RAB18: variants seen among roughly 807,000 people sequenced by gnomAD.
RAB18 encodes the protein RAB18, member RAS oncogene family.
RAB18 carries 10 observed loss-of-function variants against 28.5 expected under a neutral mutation model. That is an observed-to-expected ratio of 0.35 (90% CI 0.22 to 0.60). RAB18 has a LOEUF of 0.60. Ranked by LOEUF, RAB18 falls within the 20% of genes least tolerant of loss-of-function variation. The pLI, the probability that RAB18 is intolerant of heterozygous loss-of-function variation, is 0.78. For synonymous variants in RAB18, 93 were observed against 86.9 expected (o/e 1.07, Z -0.39); for missense variants, 188 against 244.2 (o/e 0.77, Z 1.53).
Position 27,541,447 on chromosome 10 carries a change from A to AAGC in RAB18, c.*3396_*3397insAGC, listed in dbSNP as rs1292322975. On this transcript the variant is annotated 3_prime_UTR_variant, in exon 7 of 7. Transcript: ENST00000356940. ...CATTTTACTGTTTTGTTGCTAGCTT[A>AAGC]TTGTTTCATACTTGGGAATCAGTCA... 4.4e-6 allele frequency: 2 copies of AAGC among 451,856 alleles called. No homozygotes were observed. Among genetic ancestry groups the AAGC allele is most frequent in the Non-Finnish European group, 8.8e-6 (2 of 226,350 alleles). The allele number at this position is 451,856 out of a possible 1,614,324, so 28.0% of individuals were successfully genotyped here.
At chr10:27,518,261 G>A (rs184306015) in intron 2 of RAB18, among the ~76,000 whole-genome samples, 382 of 152,242 alleles carry the variant, frequency 2.5e-3, no homozygotes, top group Non-Finnish European at 4.0e-3. Flanking sequence ...CCCAGTAATG[G>A]AATTGGTGGG....
At chr10:27,522,698 T>G (rs991798322) in intron 2 of RAB18, among the ~76,000 whole-genome samples, 1 of 152,112 alleles carries the variant, frequency 6.6e-6, no homozygotes, top group Non-Finnish European at 1.5e-5. Flanking sequence ...TTATCTATAT[T>G]CTATATATAT....
intron 2 of RAB18, among the ~76,000 whole-genome samples, chr10:27,514,919 T>G (rs1172450329): frequency 6.6e-6 from 1 of 151,984 alleles, no homozygotes; most frequent in Non-Finnish European, 1.5e-5. Flanking sequence ...CGTGCCACCA[T>G]GCCCGGGTGA....
At chr10:27,523,611 CTT>C (rs775018935) in intron 2 of RAB18, among the ~76,000 whole-genome samples, 20 of 131,268 alleles carry the variant, frequency 1.5e-4, no homozygotes, top group African/African-American at 2.0e-4. Flanking sequence ...CCATTTTTAC[CTT>C]TTTTTTTTTT....
chr10:27,504,564 C>G (rs890973641), intron 1 of RAB18, 127 bp downstream of exon 1: 1 of 1,090,382 alleles, frequency 9.2e-7, no homozygotes. Context: ...CGCTCGCGCC[C>G]TCCTCGGCCT....
chr10:27,526,538 C>T (rs1834676429), intron 2 of RAB18, among the ~76,000 whole-genome samples: 2 of 152,198 alleles, frequency 1.3e-5, no homozygotes, highest in Non-Finnish European at 2.9e-5. Flanking sequence ...TGACTTTTAA[C>T]ACGCATAGTG....
chr10:27,520,378 C>CT lies in RAB18; in HGVS notation c.125-6440dup, dbSNP rs199699729. On this transcript the variant is annotated intron_variant, in intron 2 of 6. Coordinates refer to ENST00000356940, the MANE Select transcript of RAB18 (RefSeq NM_021252.5). ...TAATGTGAACCTTTTCTCTCACTCTCTTTTTTTTTTGAAGTTAATCTAGTT... is the reference window on the plus strand; with the variant it reads ...TAATGTGAACCTTTTCTCTCACTCTCTTTTTTTTTTTGAAGTTAATCTAGTT... Among the ~76,000 whole-genome samples the CT allele has an allele frequency of 7.4e-3, 1,093 of 146,892 alleles. 7 individuals are homozygous for CT. The highest frequency in any genetic ancestry group is 0.025 in the African/African-American group (991 of 40,152).
Position 27,538,898 on chromosome 10 carries a change from T to G in RAB18, c.*847T>G. 1 of 454,012 alleles carries G rather than the reference T, an allele frequency of 2.2e-6. No individual in the cohort carries two copies. Among genetic ancestry groups the G allele is most frequent in the South Asian group, 1.6e-5 (1 of 64,472 alleles). 28.1% of individuals were successfully genotyped at this position (454,012 alleles called of 1,614,324 possible). Reference sequence around the variant, plus strand: ...TGTTGGTAGTGTTTGTCCAGGTACCTTAACTGTAGCTTGTGTAATGTTGAT... The same window carrying G: ...TGTTGGTAGTGTTTGTCCAGGTACCGTAACTGTAGCTTGTGTAATGTTGAT... On this transcript the variant is annotated 3_prime_UTR_variant, in exon 7 of 7. Transcript: ENST00000356940.
At chr10:27,528,542 T>C (rs1324038437) in intron 3 of RAB18, among the ~76,000 whole-genome samples, 1 of 152,110 alleles carries the variant, frequency 6.6e-6, no homozygotes. Context: ...TTAAACCTGT[T>C]TGTCCTCCTT....
At chr10:27,507,546 C>CTTT (rs11459156) in intron 1 of RAB18, among the ~76,000 whole-genome samples, 3 of 136,422 alleles carry the variant, frequency 2.2e-5, no homozygotes, top group East Asian at 2.1e-4. Flanking sequence ...CTTGCCTTCC[C>CTTT]TTTTTTTTTT....
chr10:27,542,156 C>G lies in RAB18; in HGVS notation c.*4105C>G, dbSNP rs775391436. On this transcript the variant is annotated 3_prime_UTR_variant, in exon 7 of 7. Transcript: ENST00000356940. ...AGTCTATTGGAGCCCTTGGGAACTTCTGGATCAAATTGGACCTGAATTGAG... is the reference window on the plus strand; with the variant it reads ...AGTCTATTGGAGCCCTTGGGAACTTGTGGATCAAATTGGACCTGAATTGAG... 1 of 454,072 alleles carries G rather than the reference C, an allele frequency of 2.2e-6. No homozygotes were observed. The highest frequency in any genetic ancestry group is 1.6e-5 in the South Asian group (1 of 64,482). The allele number at this position is 454,072 out of a possible 1,614,324, so 28.1% of individuals were successfully genotyped here. A position where few individuals can be genotyped will look rare whatever the true frequency, so the allele number is the denominator to read the frequency against.
At position 27,533,724 on chromosome 10, in the gene RAB18, T is replaced by C. The variant is rs761252487; in HGVS notation, c.260-11T>C. 79 of 1,611,500 alleles carry C rather than the reference T, an allele frequency of 4.9e-5. No homozygotes were observed. In the African/African-American group the frequency reaches 9.2e-4, roughly 19 times the overall value. On this transcript the variant is annotated splice_polypyrimidine_tract_variant and intron_variant, in intron 4 of 6. Transcript: ENST00000356940. ...TAATGCTTATTTAACAAATGACTCC[T>C]TTTATTTCAGTTTATGATGTCACAA...
chr10:27,536,152 G>T (rs1834896121), intron 6 of RAB18, among the ~76,000 whole-genome samples: 1 of 152,060 alleles, frequency 6.6e-6, no homozygotes, highest in South Asian at 2.1e-4. Flanking sequence ...AGATTGTGCT[G>T]CCAATAATTA....
intron 2 of RAB18, among the ~76,000 whole-genome samples, chr10:27,518,350 C>T (rs1454952036): frequency 6.6e-6 from 1 of 152,142 alleles, no homozygotes; most frequent in Non-Finnish European, 1.5e-5. Flanking sequence ...TTTTTACATT[C>T]CCACTAGCTT....
At chr10:27,514,014 G>C (rs1410292531) in intron 2 of RAB18, 2 of 152,228 alleles carry the variant, frequency 1.3e-5, no homozygotes, top group Admixed American at 1.3e-4. Context: ...CTGCCTGTCT[G>C]CATTGGCTGT....
At chr10:27,537,192 G>A (rs1376861290) in intron 6 of RAB18, among the ~76,000 whole-genome samples, 1 of 152,222 alleles carries the variant, frequency 6.6e-6, no homozygotes, top group African/African-American at 2.4e-5. Context: ...AGGTAGCTTG[G>A]TAAATTTATT....
rs928902124 is a variant in RAB18 at position 27,541,469 on chromosome 10, G to A, written c.*3418G>A. The A allele has an allele frequency of 2.2e-6, 1 of 453,596 alleles. No homozygotes were observed. Among genetic ancestry groups the A allele is most frequent in the Non-Finnish European group, 4.4e-6 (1 of 226,736 alleles). The allele number at this position is 453,596 out of a possible 1,614,324, so 28.1% of individuals were successfully genotyped here. Reference sequence around the variant, plus strand: ...CTTATTGTTTCATACTTGGGAATCAGTCATGTTTCTGATTGTGGTATAAAG... The same window carrying A: ...CTTATTGTTTCATACTTGGGAATCAATCATGTTTCTGATTGTGGTATAAAG... On this transcript the variant is annotated 3_prime_UTR_variant, in exon 7 of 7. Transcript: ENST00000356940.
In RAB18 at chr10:27,541,469, G is replaced by C. The variant is rs928902124; in HGVS notation, c.*3418G>C. 3 of 453,476 alleles carry C rather than the reference G, an allele frequency of 6.6e-6. No individual in the cohort carries two copies. The highest frequency in any genetic ancestry group is 8.8e-6 in the Non-Finnish European group (2 of 226,744). The allele number at this position is 453,476 out of a possible 1,614,324, so 28.1% of individuals were successfully genotyped here. Reference sequence around the variant, plus strand: ...CTTATTGTTTCATACTTGGGAATCAGTCATGTTTCTGATTGTGGTATAAAG... The same window carrying C: ...CTTATTGTTTCATACTTGGGAATCACTCATGTTTCTGATTGTGGTATAAAG... On this transcript the variant is annotated 3_prime_UTR_variant, in exon 7 of 7. Transcript: ENST00000356940.
At chr10:27,535,882 C>G (rs772302870) in intron 6 of RAB18, among the ~76,000 whole-genome samples, 6 of 151,978 alleles carry the variant, frequency 3.9e-5, no homozygotes, top group Non-Finnish European at 7.4e-5. Context: ...GTCAGGAGAT[C>G]GAGACCATGG....
Sources: allele counts gnomAD v4.1 joint callset (sites outside exome capture counted in the v4.1 genomes callset), GRCh38; gene constraint gnomAD v4.1.1; transcripts MANE v1.5; gene names NCBI Gene and HGNC (gene_info 2026-07-23, HGNC 2026-07-21).